Variants in CHD5 observed in about 807,000 individuals in gnomAD.
The protein encoded by CHD5 is ATP-dependent chromatin remodeler CHD5.
In CHD5, 69 loss-of-function variants were observed where a neutral mutation model predicts 230.3. The ratio of observed to expected loss-of-function variants is 0.30; its 90% CI spans 0.25 to 0.37. The LOEUF (loss-of-function observed/expected upper bound fraction) is 0.37. CHD5 is among the 10% of genes least tolerant of loss of function. The pLI is 1.00. For synonymous variants in CHD5, 1,064 were observed against 1,065.9 expected, an observed-to-expected ratio of 1.00 and a Z score of 0.03; for missense variants, 1,827 against 2,622.8, an observed-to-expected ratio of 0.70 and a Z score of 6.63.
Position 6,109,913 on chromosome 1 carries a change from G to T in CHD5, c.5460C>A (p.His1820Gln). The T allele has an allele frequency of 6.2e-7, 1 of 1,610,322 alleles. No homozygotes were observed. The highest frequency in any genetic ancestry group is 8.5e-7 in the Non-Finnish European group (1 of 1,178,466). Residue 1820 changes from histidine (H) to glutamine (Q), a missense_variant, in exon 38 of 42, where the codon CAC (histidine) becomes CAA (glutamine). His to Gln is a conservative substitution (Grantham distance 24, BLOSUM62 0). Around this residue, in one of 14 missense-constraint regions of CHD5, gnomAD observed 208 missense variants for 302.0 expected, o/e 0.69. Coordinates refer to ENST00000262450, the MANE Select transcript of CHD5 (RefSeq NM_015557.3). ...GGCGGGCGTTGAGGGCCATGGCGGGGTGGTTGGGGTCCTGCGTCATGTTCA... is the reference window on the plus strand; with the variant it reads ...GGCGGGCGTTGAGGGCCATGGCGGGTTGGTTGGGGTCCTGCGTCATGTTCA... ...AYLNMTQDPN[H>Q]PAMALNARLA... is the part of the protein sequence containing the mutation.
At chr1:6,115,664 T>G (rs1220142883) in intron 33 of CHD5, among the ~76,000 whole-genome samples, 1 of 152,184 alleles carries the variant, frequency 6.6e-6, no homozygotes, top group East Asian at 1.9e-4. Context: ...TCCTCCAGCC[T>G]CAAGGAACTG....
chr1:6,142,514 C>T lies in CHD5; in HGVS notation c.2135G>A (p.Arg712His). 4 of 1,614,112 alleles carry T rather than the reference C, an allele frequency of 2.5e-6. No individual in the cohort carries two copies. Among genetic ancestry groups the T allele is most frequent in the Non-Finnish European group, 3.4e-6 (4 of 1,180,026 alleles). Residue 712 changes from arginine to histidine, a missense_variant, in exon 14 of 42, where the codon CGC (arginine) becomes CAC (histidine). By Grantham distance (29) the Arg-to-His change is conservative. This residue lies in a region of CHD5 where 37 missense variants were observed against 105.7 expected (regional missense o/e 0.35). Transcript: ENST00000262450. This position sits in a 1 kb window ranked among gnomAD's most constrained non-coding sequence, Gnocchi z 5.2. ...GTCAGTGCCCTGGGCCCAAGAGAAG[C>T]GCAGCCAGTTGAGGCCCTCCAGCTG... ...PYQLEGLNWL[R>H]FSWAQGTDTI...
At chr1:6,171,402 G>A (rs1235142891) in intron 1 of CHD5, among the ~76,000 whole-genome samples, 2 of 152,110 alleles carry the variant, frequency 1.3e-5, no homozygotes, top group Non-Finnish European at 2.9e-5. Context: ...ACGGAGACGG[G>A]GACTCAGCCC....
Position 6,128,887 on chromosome 1 carries a change from G to C in CHD5, c.3570C>G (p.Asp1190Glu). Residue 1190 changes from aspartate to glutamate, a missense_variant, in exon 23 of 42, where the codon GAC (aspartate) becomes GAG (glutamate). Physicochemically the swap from Asp to Glu is conservative, Grantham distance 45 (BLOSUM62 2). Around this residue, in one of 14 missense-constraint regions of CHD5, gnomAD observed 81 missense variants for 245.4 expected, o/e 0.33. Transcript: ENST00000262450. This position sits in a 1 kb window ranked among gnomAD's most constrained non-coding sequence, Gnocchi z 7.8. ...CCTCCGTGCCGAACTTGAGGATGTC[G>C]TCCAGCTCCTGCTTGGTCATGGACC... ...KSGSMTKQEL[D>E]DILKFGTEEL... The C allele has an allele frequency of 1.2e-6, 2 of 1,613,258 alleles. No individual in the cohort carries two copies. The highest frequency in any genetic ancestry group is 1.7e-6 in the Non-Finnish European group (2 of 1,179,902).
rs766011316 is a variant in CHD5 at position 6,106,654 on chromosome 1, G to A, written c.5704C>T (p.Arg1902Cys). The part of the protein sequence containing the change: ...LQMSERSILS[R>C]LTNRAGDPTI... ...GGGTCCCCGGCGCGGTTGGTCAGGCGGCTCAGGATGCTGCGCTCCGACATC... is the reference window on the plus strand; with the variant it reads ...GGGTCCCCGGCGCGGTTGGTCAGGCAGCTCAGGATGCTGCGCTCCGACATC... The change falls in exon 39 of 42, where the codon CGC (arginine) becomes TGC (cysteine). Residue 1902 changes from arginine to cysteine, a missense_variant. Physicochemically the swap from Arg to Cys is radical, Grantham distance 180. Coordinates refer to ENST00000262450, the MANE Select transcript of CHD5 (RefSeq NM_015557.3). 16 of 1,605,362 alleles carry A rather than the reference G, an allele frequency of 1.0e-5. No homozygotes were observed. The highest frequency in any genetic ancestry group is 2.2e-5 in the East Asian group (1 of 44,570).
Position 6,134,379 on chromosome 1 carries a change from C to T in CHD5, c.3013-120G>A. On this transcript the variant is annotated intron_variant, in intron 19 of 41. Transcript: ENST00000262450. The surrounding 1 kb of genome is among the most constrained non-coding windows in gnomAD (Gnocchi z 6.3). ...AATGGGGTGATGGCCTGTCTGCCCA[C>T]TGAACATGAGACCCACACCCGAGCC... 1 of 1,255,936 alleles carries T rather than the reference C, an allele frequency of 8.0e-7. No homozygotes were observed. Among genetic ancestry groups the T allele is most frequent in the South Asian group, 1.4e-5 (1 of 73,788 alleles). The allele number at this position is 1,255,936 out of a possible 1,614,324, so 77.8% of individuals were successfully genotyped here.
intron 1 of CHD5, among the ~76,000 whole-genome samples, chr1:6,170,009 G>C (rs1451963998): frequency 6.6e-6 from 1 of 152,152 alleles, no homozygotes. Context: ...GGGCCACCAG[G>C]AGGCTTTCAC....
At chr1:6,169,513 C>T (rs1214900526) in intron 1 of CHD5, among the ~76,000 whole-genome samples, 1 of 152,210 alleles carries the variant, frequency 6.6e-6, no homozygotes, top group Non-Finnish European at 1.5e-5. Flanking sequence ...TGACGTGAGA[C>T]CCCTGCTGGG....
At chr1:6,111,954 C>CTTGGAGAG (rs1557536765) in intron 35 of CHD5, 71 bp from the exon 36 acceptor site, 46 of 1,457,992 alleles carry the variant, frequency 3.2e-5, no homozygotes, top group Non-Finnish European at 3.9e-5. Context: ...CTTGGAGAGC[C>CTTGGAGAG]GCTCCCTCCC....
At chr1:6,169,684 T>C (rs1360969747) in intron 1 of CHD5, among the ~76,000 whole-genome samples, 1 of 152,134 alleles carries the variant, frequency 6.6e-6, no homozygotes, top group African/African-American at 2.4e-5. Flanking sequence ...CTTCTGCCCG[T>C]GGGGGCAAAG....
rs1666606494 is a variant in CHD5, at chr1:6,128,832, G to A, written c.3619+6C>T. ...CCTGCCACGCTCCCTCGGAACAGAGGCCCACCCTCCACGTCGTCCTTGAAG... is the reference window on the plus strand; with the variant it reads ...CCTGCCACGCTCCCTCGGAACAGAGACCCACCCTCCACGTCGTCCTTGAAG... On this transcript the variant is annotated splice_donor_region_variant and intron_variant, in intron 23 of 41. Coordinates refer to ENST00000262450, the MANE Select transcript of CHD5 (RefSeq NM_015557.3). This position sits in a 1 kb window ranked among gnomAD's most constrained non-coding sequence, Gnocchi z 7.8. The A allele has an allele frequency of 1.2e-6, 2 of 1,604,358 alleles. No individual in the cohort carries two copies. Among genetic ancestry groups the A allele is most frequent in the Non-Finnish European group, 1.7e-6 (2 of 1,172,634 alleles).
At chr1:6,107,527 A>AGG in intron 38 of CHD5, among the ~76,000 whole-genome samples, 1 of 42,468 alleles carries the variant, frequency 2.4e-5, no homozygotes, top group Non-Finnish European at 4.2e-5. Context: ...GGAGCGGTGG[A>AGG]GAGATGGAGG....
chr1:6,163,457 G>A (rs1667208562), intron 2 of CHD5, among the ~76,000 whole-genome samples: 1 of 152,190 alleles, frequency 6.6e-6, no homozygotes, highest in Non-Finnish European at 1.5e-5. Context: ...GCTGGCCGAG[G>A]GTGGGGGTGC....
rs192857157 is a variant in CHD5, at chr1:6,153,900, T to G, written c.745+760A>C. 5.9e-3 allele frequency among the ~76,000 whole-genome samples: 898 copies of G among 152,044 alleles called. 13 individuals carry two copies. Among genetic ancestry groups the G allele is most frequent in the African/African-American group, 0.021 (854 of 41,406 alleles). ...CTGAGCTGCAGGTGACTGACAGCCC[T>G]GGGGAGATCAACATCCCCAGCCTCC... On this transcript the variant is annotated intron_variant, in intron 5 of 41. Coordinates refer to ENST00000262450, the MANE Select transcript of CHD5 (RefSeq NM_015557.3).
In CHD5 at chr1:6,101,804, G is replaced by A. The variant is rs1666059530; in HGVS notation, c.*3670C>T. ...GCCTCTGATTAAATCCTTTCCCAAA[G>A]GATTTATTAAAACACAGAAAACCAA... On this transcript the variant is annotated 3_prime_UTR_variant, in exon 42 of 42. Coordinates refer to ENST00000262450, the MANE Select transcript of CHD5 (RefSeq NM_015557.3). The A allele has an allele frequency of 6.4e-6, 1 of 155,206 alleles. No individual in the cohort carries two copies. The highest frequency in any genetic ancestry group is 2.6e-5 in the African/African-American group (1 of 38,816). The allele number at this position is 155,206 out of a possible 1,614,324, so 9.6% of individuals were successfully genotyped here. A position where few individuals can be genotyped will look rare whatever the true frequency, so the allele number is the denominator to read the frequency against.
chr1:6,129,172 G>A lies in CHD5; in HGVS notation c.3388-103C>T. The A allele has an allele frequency of 1.3e-6, 1 of 793,562 alleles. No individual in the cohort carries two copies. The highest frequency in any genetic ancestry group is 2.6e-5 in the East Asian group (1 of 37,924). 49.2% of individuals were successfully genotyped at this position (793,562 alleles called of 1,614,324 possible). On this transcript the variant is annotated intron_variant, in intron 22 of 41. Transcript: ENST00000262450. This position sits in a 1 kb window ranked among gnomAD's most constrained non-coding sequence, Gnocchi z 6.8. ...AGAGCATGGAATGGGCTGCATGACT[G>A]TGTAGGGAAAGGCGTGTGGTGCGTC... is the stretch of plus-strand genomic sequence containing the variant.
chr1:6,160,549 C>T (rs533259701), intron 2 of CHD5, among the ~76,000 whole-genome samples: 40 of 152,270 alleles, frequency 2.6e-4, no homozygotes, highest in East Asian at 9.6e-4. Context: ...CAGGCCCCAG[C>T]GCCACAGCTC....
At chr1:6,117,295 A>G (rs1389408894) in intron 33 of CHD5, among the ~76,000 whole-genome samples, 1 of 152,258 alleles carries the variant, frequency 6.6e-6, no homozygotes, top group Admixed American at 6.5e-5. Context: ...ATTTTAAATG[A>G]TGAATCCCCT....
In CHD5 at chr1:6,143,386, G is replaced by C. The variant is rs149854483; in HGVS notation, c.2043+437C>G. Among the ~76,000 whole-genome samples, 758 of 152,262 alleles carry C rather than the reference G, an allele frequency of 5.0e-3. 4 individuals carry two copies. Among genetic ancestry groups the C allele is most frequent in the African/African-American group, 0.017 (699 of 41,536 alleles). ...ACTGGCCCCATGCAGTCCTCCCAAT[G>C]GACCAGGCCCATCTGCCTTTCCCCA... On this transcript the variant is annotated intron_variant, in intron 13 of 41. Coordinates refer to ENST00000262450, the MANE Select transcript of CHD5 (RefSeq NM_015557.3).
Sources: allele counts gnomAD v4.1 joint callset (sites outside exome capture counted in the v4.1 genomes callset), GRCh38; gene constraint gnomAD v4.1.1; regional missense constraint gnomAD v4.1.1; non-coding constraint Gnocchi (gnomAD v3.1); transcripts MANE v1.5; gene names NCBI Gene and HGNC (gene_info 2026-07-23, HGNC 2026-07-21).